FAM83B: variants seen among roughly 807,000 people sequenced by gnomAD.
FAM83B encodes scaffolding CK1 anchoring protein B.
A neutral mutation model predicts 38.8 loss-of-function variants in FAM83B; 26 were observed. That is an observed-to-expected ratio of 0.67 (90% CI 0.49 to 0.93). FAM83B has a LOEUF of 0.93. Ranked by LOEUF, FAM83B falls within the 40% of genes least tolerant of loss-of-function variation. The probability of loss-of-function intolerance (pLI) is 0.00; values close to 1 mark genes in which losing one functional copy is unlikely to be tolerated. For missense variants in FAM83B, 1,237 were observed against 1,197.3 expected (o/e 1.03, Z -0.49); for synonymous variants, 419 against 423.1 (o/e 0.99, Z 0.12).
At chr6:54,861,385 G>A (rs1771578557) in intron 1 of FAM83B, among the ~76,000 whole-genome samples, 1 of 151,954 alleles carries the variant, frequency 6.6e-6, no homozygotes, top group Admixed American at 6.6e-5. Flanking sequence ...CAAAACCCTG[G>A]CTCTACCAAA....
intron 1 of FAM83B, among the ~76,000 whole-genome samples, chr6:54,864,126 G>A (rs897986679): frequency 1.3e-5 from 2 of 152,024 alleles, no homozygotes; most frequent in Admixed American, 6.6e-5. Flanking sequence ...TTGAATAATT[G>A]TGTTTTAATG....
At chr6:54,864,668 TTTAA>T (rs1465963863) in intron 1 of FAM83B, among the ~76,000 whole-genome samples, 2 of 152,200 alleles carry the variant, frequency 1.3e-5, no homozygotes, top group Admixed American at 1.3e-4. Flanking sequence ...TCTTTCATGT[TTTAA>T]TTGTTATCTT....
intron 4 of FAM83B, among the ~76,000 whole-genome samples, chr6:54,931,600 A>G (rs1373349006): frequency 6.6e-6 from 1 of 151,722 alleles, no homozygotes; most frequent in African/African-American, 2.4e-5. Context: ...GTTTTTCCTG[A>G]TATTTTTACA....
chr6:54,940,969 G>A lies in FAM83B; in HGVS notation c.1998G>A (p.Pro666=), dbSNP rs141168267. Residue 666 remains proline, a synonymous_variant, in exon 5 of 5, where the codon CCG becomes CCA. Coordinates refer to ENST00000306858, the MANE Select transcript of FAM83B (RefSeq NM_001010872.3). The part of the protein sequence containing the change: ...TENLLKRRSF[P]LFDNSKANLD... ...ATCTACTTAAAAGGCGAAGTTTCCC[G>A]TTATTTGACAACTCAAAAGCCAACT... 508 of 1,613,774 alleles carry A rather than the reference G, an allele frequency of 3.1e-4. 2 individuals are homozygous for A. The highest frequency in any genetic ancestry group is 8.3e-4 in the Middle Eastern group (5 of 6,058).
chr6:54,863,710 A>T (rs1771638646), intron 1 of FAM83B, among the ~76,000 whole-genome samples: 1 of 152,216 alleles, frequency 6.6e-6, no homozygotes, highest in African/African-American at 2.4e-5. Context: ...TTTGATATAA[A>T]TTAAAACCTC....
chr6:54,847,336 T>G (rs1771164367), intron 1 of FAM83B, among the ~76,000 whole-genome samples: 1 of 152,098 alleles, frequency 6.6e-6, no homozygotes, highest in African/African-American at 2.4e-5. Context: ...GTTCTTTAGA[T>G]CCTGAGTGGG....
At chr6:54,898,140 T>C (rs911238327) in intron 2 of FAM83B, among the ~76,000 whole-genome samples, 2 of 152,180 alleles carry the variant, frequency 1.3e-5, no homozygotes, top group African/African-American at 4.8e-5. Context: ...TAAATAGGCT[T>C]TCTAAGAATC....
intron 2 of FAM83B, among the ~76,000 whole-genome samples, chr6:54,889,661 A>G (rs1486347441): frequency 6.6e-6 from 1 of 152,114 alleles, no homozygotes; most frequent in Non-Finnish European, 1.5e-5. Context: ...CAAAATTTGT[A>G]TTTTTTTAAT....
intron 2 of FAM83B, among the ~76,000 whole-genome samples, chr6:54,918,843 C>CAAA (rs1773105362): frequency 6.6e-6 from 1 of 152,134 alleles, no homozygotes; most frequent in Non-Finnish European, 1.5e-5. Context: ...TGCCTCCTCT[C>CAAA]TGTCTTCCAG....
chr6:54,857,971 T>C (rs1384602991), intron 1 of FAM83B, among the ~76,000 whole-genome samples: 1 of 152,086 alleles, frequency 6.6e-6, no homozygotes, highest in African/African-American at 2.4e-5. Context: ...ATGTTAGGTG[T>C]AAAGAAAGAA....
intron 2 of FAM83B, among the ~76,000 whole-genome samples, chr6:54,904,090 A>G (rs1008648570): frequency 1.3e-5 from 2 of 151,998 alleles, no homozygotes; most frequent in Admixed American, 6.6e-5. Flanking sequence ...CCTCAGACTA[A>G]TCACAGTTTA....
chr6:54,937,819 C>T (rs1773556923), intron 4 of FAM83B, among the ~76,000 whole-genome samples: 1 of 152,034 alleles, frequency 6.6e-6, no homozygotes, highest in Admixed American at 6.6e-5. Context: ...GTTTTTATGC[C>T]ACGAAGTTTT....
In FAM83B at chr6:54,939,748, G is replaced by T. The variant is rs1359237570; in HGVS notation, c.777G>T (p.Gln259His). ...AGAAAGCTCACCTCAGCATGGTTCA[G>T]ATAATTACAGGACAACTTGTTGAGT... is the stretch of plus-strand genomic sequence containing the variant. ...SFEKAHLSMV[Q>H]IITGQLVESF... Residue 259 changes from glutamine (Q) to histidine (H), a missense_variant, in exon 5 of 5, where the codon CAG (glutamine) becomes CAT (histidine). Gln to His is a conservative substitution (Grantham distance 24). Transcript: ENST00000306858. 1.9e-6 allele frequency: 3 copies of T among 1,613,048 alleles called. No individual in the cohort carries two copies. In the African/African-American group the frequency reaches 4.0e-5, roughly 22 times the overall value.
At chr6:54,931,261 T>C (rs1351626960) in intron 4 of FAM83B, among the ~76,000 whole-genome samples, 7 of 152,212 alleles carry the variant, frequency 4.6e-5, no homozygotes, top group Non-Finnish European at 1.5e-5. Context: ...GAATGTATAT[T>C]CTGCTTTTGT....
intron 2 of FAM83B, among the ~76,000 whole-genome samples, chr6:54,921,834 A>T (rs1472392004): frequency 1.3e-5 from 2 of 152,048 alleles, no homozygotes; most frequent in Non-Finnish European, 2.9e-5. Flanking sequence ...TTCAGATCAG[A>T]TTTGGCATAC....
At chr6:54,874,604 T>C (rs1771947076) in intron 2 of FAM83B, among the ~76,000 whole-genome samples, 3 of 152,192 alleles carry the variant, frequency 2.0e-5, no homozygotes, top group Admixed American at 2.0e-4. Context: ...AAAAAAGTCT[T>C]CTTTCATTAA....
intron 1 of FAM83B, among the ~76,000 whole-genome samples, chr6:54,851,792 C>A (rs1188572987): frequency 6.7e-6 from 1 of 149,160 alleles, no homozygotes; most frequent in Admixed American, 6.7e-5. Flanking sequence ...GGACTACAGG[C>A]GCCCGCCACT....
intron 2 of FAM83B, among the ~76,000 whole-genome samples, chr6:54,897,019 C>T (rs9475061): frequency 0.03 from 4,561 of 152,148 alleles, 237 homozygotes; most frequent in African/African-American, 0.1. Flanking sequence ...TGACACCATC[C>T]TGTTAGTATT....
chr6:54,869,679 A>G (rs62412655), intron 1 of FAM83B, among the ~76,000 whole-genome samples: 3,200 of 152,192 alleles, frequency 0.021, 46 homozygotes, highest in Middle Eastern at 0.061. Flanking sequence ...TTTGCTCCAT[A>G]TTGATCTCTA....
Sources: gnomAD v4.1 joint callset for allele counts (sites outside exome capture counted in the v4.1 genomes callset) on GRCh38, gnomAD v4.1.1 for gene constraint, MANE v1.5 for transcripts, NCBI Gene and HGNC (gene_info 2026-07-23, HGNC 2026-07-21) for gene names.